PDSS1: variants seen among roughly 807,000 people sequenced by gnomAD.
The protein encoded by PDSS1 is decaprenyl diphosphate synthase subunit 1, also known as all trans-polyprenyl-diphosphate synthase PDSS1.
PDSS1 carries 43 observed loss-of-function variants against 57.5 expected under a neutral mutation model. That is an observed-to-expected ratio of 0.75 (90% CI 0.59 to 0.96). The LOEUF is 0.96. Among genes scored for constraint, PDSS1 ranks in the 50% least tolerant of loss-of-function variants. PDSS1 has a pLI of 0.00. For missense variants in PDSS1, 438 were observed against 527.8 expected (o/e 0.83, Z 1.67); for synonymous variants, 175 against 191.3 (o/e 0.91, Z 0.70).
intron 5 of PDSS1, chr10:26,715,215 G>GGACACCCATTAA (rs1371321036): frequency 4.6e-5 from 7 of 152,128 alleles, no homozygotes; most frequent in African/African-American, 1.7e-4. Context: ...CTACAGTAAG[G>GGACACCCATTAA]GACACCCATT....
intron 1 of PDSS1, 37 bp from the exon 2 acceptor site, chr10:26,702,125 A>G (rs143423717): frequency 5.5e-4 from 233 of 422,402 alleles, no homozygotes; most frequent in African/African-American, 4.9e-3. Context: ...CTCCCATTGT[A>G]TCTTGGATGT....
At chr10:26,715,167 T>C (rs952732133) in intron 5 of PDSS1, 2 of 152,182 alleles carry the variant, frequency 1.3e-5, no homozygotes, top group Admixed American at 6.5e-5. Context: ...TGTGGATATG[T>C]CCATAGTCAC....
chr10:26,726,986 C>T (rs1027639838), intron 8 of PDSS1, among the ~76,000 whole-genome samples: 3 of 151,320 alleles, frequency 2.0e-5, no homozygotes, highest in African/African-American at 4.9e-5. Context: ...CGCTTGAACC[C>T]GGGAGGTGGA....
chr10:26,700,998 A>G (rs1396192272), intron 1 of PDSS1, among the ~76,000 whole-genome samples: 1 of 152,166 alleles, frequency 6.6e-6, no homozygotes, highest in African/African-American at 2.4e-5. Flanking sequence ...TTTGACCAAA[A>G]TGCTGAAAGT....
At chr10:26,739,509 A>C (rs1836513776) in intron 10 of PDSS1, among the ~76,000 whole-genome samples, 1 of 152,184 alleles carries the variant, frequency 6.6e-6, no homozygotes, top group South Asian at 2.1e-4. Context: ...TATTTTTTTC[A>C]AATTTTGCTT....
chr10:26,708,912 G>A (rs1029963024), intron 4 of PDSS1, among the ~76,000 whole-genome samples: 1 of 152,106 alleles, frequency 6.6e-6, no homozygotes, highest in African/African-American at 2.4e-5. Context: ...GCTCCCGACG[G>A]CCACTGGCTT....
chr10:26,745,545 T>TAATC (rs1483079302), intron 11 of PDSS1, among the ~76,000 whole-genome samples: 1 of 151,930 alleles, frequency 6.6e-6, no homozygotes, highest in Admixed American at 6.6e-5. Context: ...CTAAAATTGG[T>TAATC]AATCAAGAAA....
Position 26,709,705 on chromosome 10 carries a change from C to T in PDSS1, c.404C>T (p.Ala135Val). ...SEYYFDGKGK[A>V]FRPIIVALMA... ...TACTACTTTGATGGGAAAGGGAAAG[C>T]CTTTCGACCAATTATTGTGGCGCTA... is the stretch of plus-strand genomic sequence containing the variant. The change falls in exon 5 of 12, where the codon GCC (alanine) becomes GTC (valine). Residue 135 changes from alanine (A) to valine (V), a missense_variant. Physicochemically the swap from Ala to Val is moderately conservative, Grantham distance 64. Around this residue, in one of 2 missense-constraint regions of PDSS1, gnomAD observed 284 missense variants for 390.7 expected, o/e 0.73. Coordinates refer to ENST00000376215, the MANE Select transcript of PDSS1 (RefSeq NM_014317.5). 1 of 1,613,496 alleles carries T rather than the reference C, an allele frequency of 6.2e-7. No homozygotes were observed. The highest frequency in any genetic ancestry group is 8.5e-7 in the Non-Finnish European group (1 of 1,179,466).
intron 10 of PDSS1, among the ~76,000 whole-genome samples, chr10:26,741,503 A>G (rs1441120523): frequency 7.6e-6 from 1 of 132,366 alleles, no homozygotes; most frequent in African/African-American, 2.9e-5. Context: ...GGGGAAAAAC[A>G]ACAAAAAAAC....
In PDSS1 at chr10:26,709,620, A is replaced by G; in HGVS notation, c.337-18A>G. The G allele has an allele frequency of 1.2e-6, 2 of 1,613,186 alleles. No homozygotes were observed. Among genetic ancestry groups the G allele is most frequent in the Non-Finnish European group, 1.7e-6 (2 of 1,179,220 alleles). On this transcript the variant is annotated intron_variant, in intron 4 of 11. Transcript: ENST00000376215. The stretch of plus-strand genomic sequence containing the variant: ...CAGTTTTTTGATGCCATTGTGACAC[A>G]GAGAAACTTTATTTCAGGAACTGCT...
At chr10:26,701,430 C>T (rs1347870926) in intron 1 of PDSS1, among the ~76,000 whole-genome samples, 1 of 152,204 alleles carries the variant, frequency 6.6e-6, no homozygotes, top group Non-Finnish European at 1.5e-5. Flanking sequence ...GGGCTGGGCC[C>T]AGGGCCCTGC....
rs952260556 is a variant in PDSS1 at position 26,709,776 on chromosome 10, C to A, written c.467+8C>A. The A allele has an allele frequency of 6.2e-7, 1 of 1,612,574 alleles. No individual in the cohort carries two copies. The highest frequency in any genetic ancestry group is 2.2e-5 in the East Asian group (1 of 44,860). On this transcript the variant is annotated splice_region_variant and intron_variant, in intron 5 of 11. Coordinates refer to ENST00000376215, the MANE Select transcript of PDSS1 (RefSeq NM_014317.5). Reference sequence around the variant, plus strand: ...TCATCATAACAACTCCCGGTGAGCTCTTTTTTTCATTCCTTTCTTGTTTTT... The same window carrying A: ...TCATCATAACAACTCCCGGTGAGCTATTTTTTTCATTCCTTTCTTGTTTTT...
chr10:26,703,877 C>G (rs575147944), intron 2 of PDSS1, among the ~76,000 whole-genome samples: 8 of 151,634 alleles, frequency 5.3e-5, no homozygotes, highest in South Asian at 2.1e-4. Flanking sequence ...GTCAGGAGAT[C>G]GAGACCATCC....
rs569426300 is a variant in PDSS1, at chr10:26,730,005, C to T, written c.832-5235C>T. Among the ~76,000 whole-genome samples, 75 of 148,192 alleles carry T rather than the reference C, an allele frequency of 5.1e-4. 2 individuals are homozygous for T. The South Asian group carries it at 0.011, about 22-fold the overall frequency. ...TCAGCTCACTGCAAGCTCTGCCTCC[C>T]GGGTTCACGCCATTCTCCTGCCTCA... is the stretch of plus-strand genomic sequence containing the variant. On this transcript the variant is annotated intron_variant, in intron 8 of 11. Coordinates refer to ENST00000376215, the MANE Select transcript of PDSS1 (RefSeq NM_014317.5).
intron 8 of PDSS1, among the ~76,000 whole-genome samples, chr10:26,730,947 G>T (rs1836168878): frequency 6.6e-6 from 1 of 152,170 alleles, no homozygotes; most frequent in Admixed American, 6.5e-5. Context: ...TCAGGGCTGG[G>T]CTTGTAATCC....
intron 4 of PDSS1, 143 bp from the exon 5 acceptor site, chr10:26,709,495 A>C (rs569808174): frequency 2.5e-6 from 2 of 789,272 alleles, no homozygotes; most frequent in South Asian, 2.9e-5. Context: ...CGGGAGGCGG[A>C]GGTTACAATG....
chr10:26,743,644 G>A (rs1263093329), intron 11 of PDSS1, among the ~76,000 whole-genome samples: 1 of 152,130 alleles, frequency 6.6e-6, no homozygotes, highest in African/African-American at 2.4e-5. Context: ...AGTGGGAAGT[G>A]GAACTGAAAA....
intron 1 of PDSS1, among the ~76,000 whole-genome samples, chr10:26,698,251 C>T (rs147593283): frequency 0.01 from 1,587 of 152,250 alleles, 11 homozygotes; most frequent in Non-Finnish European, 0.015. Flanking sequence ...ATTTTAGAGC[C>T]AAAGTGCTCA....
intron 1 of PDSS1, among the ~76,000 whole-genome samples, chr10:26,700,682 TCTC>T (rs1273366147): frequency 1.3e-5 from 2 of 152,082 alleles, no homozygotes; most frequent in Admixed American, 6.5e-5. Flanking sequence ...TGTTTCTCCT[TCTC>T]CTTCTTCCAC....
Sources: allele counts gnomAD v4.1 joint callset (sites outside exome capture counted in the v4.1 genomes callset), GRCh38; gene constraint gnomAD v4.1.1; regional missense constraint gnomAD v4.1.1; transcripts MANE v1.5; gene names NCBI Gene and HGNC (gene_info 2026-07-23, HGNC 2026-07-21).